Variants in ATP8A1 observed in about 807,000 individuals in gnomAD.
The protein encoded by ATP8A1 is phospholipid-transporting ATPase IA.
A neutral mutation model predicts 177.7 loss-of-function variants in ATP8A1; 90 were observed. The ratio of observed to expected loss-of-function variants is 0.51; its 90% confidence interval spans 0.43 to 0.60. ATP8A1 has a LOEUF of 0.60. ATP8A1 is among the 20% of genes least tolerant of loss of function. The pLI, the probability that ATP8A1 is intolerant of heterozygous loss-of-function variation, is 0.00. For missense variants in ATP8A1, 1,072 were observed against 1,392.8 expected, an observed-to-expected ratio of 0.77 and a Z score of 3.67; for synonymous variants, 493 against 485.9, an observed-to-expected ratio of 1.01 and a Z score of -0.19.
At chr4:42,428,993 C>T (rs1714947231) in intron 33 of ATP8A1, among the ~76,000 whole-genome samples, 1 of 152,174 alleles carries the variant, frequency 6.6e-6, no homozygotes, top group African/African-American at 2.4e-5. Context: ...TCTTAATTCT[C>T]ATGATCCAAG....
At chr4:42,645,636 G>A (rs942065528) in intron 1 of ATP8A1, among the ~76,000 whole-genome samples, 3 of 152,156 alleles carry the variant, frequency 2.0e-5, no homozygotes, top group Non-Finnish European at 4.4e-5. Flanking sequence ...ACACGATGTG[G>A]CTATAAAAAC....
intron 4 of ATP8A1, among the ~76,000 whole-genome samples, chr4:42,620,695 A>C (rs1166444467): frequency 6.6e-6 from 1 of 152,182 alleles, no homozygotes; most frequent in African/African-American, 2.4e-5. Flanking sequence ...TTATCTGTAA[A>C]ATAGGGATAA....
At chr4:42,418,945 A>G (rs189670301) in intron 35 of ATP8A1, among the ~76,000 whole-genome samples, 1 of 152,318 alleles carries the variant, frequency 6.6e-6, no homozygotes, top group East Asian at 1.9e-4. Context: ...TTTGCATTTT[A>G]TACACAACTT....
intron 22 of ATP8A1, among the ~76,000 whole-genome samples, chr4:42,519,805 C>A (rs1235071988): frequency 1.3e-5 from 2 of 152,070 alleles, no homozygotes; most frequent in East Asian, 1.9e-4. Context: ...GAAGTGAAGA[C>A]AAATTAGTTA....
intron 5 of ATP8A1, among the ~76,000 whole-genome samples, chr4:42,601,033 C>CTTTTTTTT (rs36117571): frequency 7.8e-5 from 8 of 102,416 alleles, no homozygotes; most frequent in African/African-American, 1.5e-4. Context: ...CCCAAATTTT[C>CTTTTTTTT]TTTTTTTTTT....
At chr4:42,501,700 C>T (rs1037740862) in intron 24 of ATP8A1, among the ~76,000 whole-genome samples, 4 of 152,172 alleles carry the variant, frequency 2.6e-5, no homozygotes, top group African/African-American at 9.7e-5. Flanking sequence ...TAATGATTTG[C>T]CTGAAATCTC....
In ATP8A1 at chr4:42,578,247, A is replaced by G. The variant is rs1732673023; in HGVS notation, c.1128+13T>C. 1 of 1,580,850 alleles carries G rather than the reference A, an allele frequency of 6.3e-7. No individual in the cohort carries two copies. Among genetic ancestry groups the G allele is most frequent in the African/African-American group, 1.4e-5 (1 of 73,040 alleles). ...TATTTTGTAGGGTGATAACAATCAT[A>G]ATTCATATTTACCCAATTTATGAAG... On this transcript the variant is annotated intron_variant, in intron 12 of 36. Transcript: ENST00000381668.
chr4:42,541,892 G>A lies in ATP8A1; in HGVS notation c.1722+2025C>T, dbSNP rs76577699. ...TGAGGGAAGAGATAAATGACTAGGC[G>A]GGGCACAGGGGATTTGTAGGGCAAT... On this transcript the variant is annotated intron_variant, in intron 20 of 36. Coordinates refer to ENST00000381668, the MANE Select transcript of ATP8A1 (RefSeq NM_006095.2). 8.3e-3 allele frequency among the ~76,000 whole-genome samples: 1,258 copies of A among 152,252 alleles called. 5 individuals are homozygous for A. Among genetic ancestry groups the A allele is most frequent in the Middle Eastern group, 0.014 (4 of 294 alleles).
intron 1 of ATP8A1, among the ~76,000 whole-genome samples, chr4:42,627,490 A>G (rs749759018): frequency 6.6e-6 from 1 of 152,252 alleles, no homozygotes; most frequent in Non-Finnish European, 1.5e-5. Context: ...CAAAAATTAA[A>G]GCATATGCAT....
intron 15 of ATP8A1, among the ~76,000 whole-genome samples, chr4:42,563,437 T>A (rs928432539): frequency 6.6e-6 from 1 of 152,198 alleles, no homozygotes; most frequent in African/African-American, 2.4e-5. Context: ...TTGGAAAATT[T>A]GCAGCCTGAC....
chr4:42,485,473 T>C, intron 25 of ATP8A1, 23 bp downstream of exon 25: 1 of 1,576,310 alleles, frequency 6.3e-7, no homozygotes, highest in Non-Finnish European at 8.6e-7. Flanking sequence ...TACTAAAATC[T>C]GACAATGATA....
At chr4:42,627,145 T>A (rs1335931730) in intron 1 of ATP8A1, 36 bp from the exon 2 acceptor site, 12 of 1,526,418 alleles carry the variant, frequency 7.9e-6, no homozygotes, top group Non-Finnish European at 9.0e-6. Context: ...CAAGAAATGT[T>A]TTATTGTCCA....
At chr4:42,581,015 T>C (rs1252496516) in intron 10 of ATP8A1, among the ~76,000 whole-genome samples, 2 of 152,208 alleles carry the variant, frequency 1.3e-5, no homozygotes, top group South Asian at 4.1e-4. Flanking sequence ...CATGGACGAC[T>C]TGTAATAATC....
chr4:42,521,020 A>G (rs145238062), intron 22 of ATP8A1, among the ~76,000 whole-genome samples: 73 of 152,200 alleles, frequency 4.8e-4, no homozygotes, highest in African/African-American at 1.7e-3. Context: ...CAGAGGGGGG[A>G]AATAGTCCAG....
intron 27 of ATP8A1, among the ~76,000 whole-genome samples, chr4:42,456,945 C>T (rs1718554105): frequency 6.6e-6 from 1 of 152,180 alleles, no homozygotes; most frequent in Admixed American, 6.5e-5. Context: ...CCACACTGAT[C>T]TTCCTTTTTA....
At chr4:42,490,638 T>C (rs1722655748) in intron 24 of ATP8A1, among the ~76,000 whole-genome samples, 1 of 152,204 alleles carries the variant, frequency 6.6e-6, no homozygotes. Context: ...ACCTGCCTTC[T>C]CACCTTTTGT....
chr4:42,542,444 T>A (rs578140094), intron 20 of ATP8A1, among the ~76,000 whole-genome samples: 8 of 151,846 alleles, frequency 5.3e-5, no homozygotes, highest in East Asian at 1.9e-4. Context: ...TTAAAAAAAA[T>A]TATTTATTTA....
At chr4:42,555,742 T>TGAGGCAGG (rs1730157889) in intron 16 of ATP8A1, among the ~76,000 whole-genome samples, 2 of 152,084 alleles carry the variant, frequency 1.3e-5, no homozygotes, top group Non-Finnish European at 2.9e-5. Context: ...AGAAATGGCT[T>TGAGGCAGG]GATTCTGGGA....
chr4:42,532,571 T>C (rs1236554105), intron 20 of ATP8A1, among the ~76,000 whole-genome samples: 2 of 152,064 alleles, frequency 1.3e-5, no homozygotes, highest in Non-Finnish European at 2.9e-5. Flanking sequence ...AAAATGACCA[T>C]ATTGCCCAAA....
Sources: gnomAD v4.1 joint callset for allele counts (sites outside exome capture counted in the v4.1 genomes callset) on GRCh38, gnomAD v4.1.1 for gene constraint, MANE v1.5 for transcripts, NCBI Gene and HGNC (gene_info 2026-07-23, HGNC 2026-07-21) for gene names.